Variants in ARHGEF3 observed in about 807,000 individuals in gnomAD.
The protein encoded by ARHGEF3 is 59.8 kDA protein.
ARHGEF3 carries 28 observed loss-of-function variants against 63.2 expected under a neutral mutation model. That is an observed-to-expected ratio of 0.44 (90% CI 0.33 to 0.61). ARHGEF3 has a LOEUF of 0.61. Ranked by LOEUF, ARHGEF3 falls within the 20% of genes least tolerant of loss-of-function variation. The pLI is 0.03. For synonymous variants in ARHGEF3, 266 were observed against 254.2 expected (o/e 1.05, Z -0.44); for missense variants, 533 against 659.3 (o/e 0.81, Z 2.10).
chr3:57,003,330 G>A (rs1702334735), intron 2 of ARHGEF3, among the ~76,000 whole-genome samples: 1 of 147,012 alleles, frequency 6.8e-6, no homozygotes, highest in African/African-American at 2.5e-5. Context: ...TTGAACCCGG[G>A]AGGTGGAGGT....
intron 3 of ARHGEF3, among the ~76,000 whole-genome samples, chr3:56,918,885 G>A (rs756312224): frequency 2.0e-5 from 3 of 152,160 alleles, no homozygotes; most frequent in Non-Finnish European, 4.4e-5. Context: ...CCACACAGAA[G>A]TATACACATT....
intron 2 of ARHGEF3, among the ~76,000 whole-genome samples, chr3:57,029,974 C>T (rs113181913): frequency 1.7e-4 from 26 of 152,236 alleles, no homozygotes; most frequent in African/African-American, 6.0e-4. Context: ...ACCAAAACAG[C>T]CCTGGCCTAA....
At chr3:57,075,222 C>G (rs566331773) in intron 1 of ARHGEF3, 3 of 167,188 alleles carry the variant, frequency 1.8e-5, no homozygotes, top group African/African-American at 7.2e-5. Context: ...ATCTCCTTCC[C>G]CAGCTTCATC....
Position 56,837,373 on chromosome 3 carries a change from C to T in ARHGEF3, c.192+44919G>A, listed in dbSNP as rs551587911. ...CCCTTGTCTTGTGGTCCTGCATTAA[C>T]GCCACAATCCCACCAGCTGAGCTAA... On this transcript the variant is annotated intron_variant, in intron 4 of 12. Transcript: ENST00000338458. Among the ~76,000 whole-genome samples, 13 of 152,284 alleles carry T rather than the reference C, an allele frequency of 8.5e-5. No individual in the cohort carries two copies. In the East Asian group the frequency reaches 1.2e-3, roughly 14 times the overall value.
intron 1 of ARHGEF3, chr3:57,073,834 C>A (rs201557940): frequency 7.4e-6 from 12 of 1,614,106 alleles, no homozygotes; most frequent in African/African-American, 1.3e-5. Flanking sequence ...CCCAACAAAC[C>A]CCACTGTGCA....
chr3:56,771,891 C>G (rs2036024659), intron 2 of ARHGEF3, among the ~76,000 whole-genome samples: 1 of 152,160 alleles, frequency 6.6e-6, no homozygotes, highest in South Asian at 2.1e-4. Context: ...AGTAGACATT[C>G]TGAAGAATTT....
chr3:56,912,367 T>C (rs954054143), intron 3 of ARHGEF3, among the ~76,000 whole-genome samples: 2 of 152,188 alleles, frequency 1.3e-5, no homozygotes, highest in Non-Finnish European at 2.9e-5. Flanking sequence ...GAAAGCAAAG[T>C]GTTACTGCAG....
At chr3:57,032,034 G>C (rs1703754858) in intron 2 of ARHGEF3, among the ~76,000 whole-genome samples, 1 of 152,150 alleles carries the variant, frequency 6.6e-6, no homozygotes, top group South Asian at 2.1e-4. Flanking sequence ...GCAATTTCTT[G>C]ATCTTAGAAT....
rs2038390532 is a variant in ARHGEF3 at position 56,819,501 on chromosome 3, C to G, written c.193-45685G>C. 3.3e-5 allele frequency among the ~76,000 whole-genome samples: 5 copies of G among 151,020 alleles called. No homozygotes were observed. In the South Asian group the frequency reaches 1.0e-3, roughly 32 times the overall value. Reference sequence around the variant, plus strand: ...CTACCACTTAATTAACCATGTTCTACCAGGTGGCAGTTTTTTTTTTTTTTT... The same window carrying G: ...CTACCACTTAATTAACCATGTTCTAGCAGGTGGCAGTTTTTTTTTTTTTTT... On this transcript the variant is annotated intron_variant, in intron 4 of 12. Coordinates refer to the ARHGEF3 transcript ENST00000338458.
chr3:56,854,068 G>A (rs1324007461), intron 4 of ARHGEF3, among the ~76,000 whole-genome samples: 6 of 152,138 alleles, frequency 3.9e-5, no homozygotes, highest in African/African-American at 7.2e-5. Context: ...GGTGGCAGGC[G>A]CCTGCAGTCC....
rs766570919 is a variant in ARHGEF3 at position 56,771,999 on chromosome 3, A to G, written c.204+1710T>C. Among the ~76,000 whole-genome samples the G allele has an allele frequency of 3.9e-4, 59 of 152,340 alleles. 1 individual carries two copies. Among genetic ancestry groups the G allele is most frequent in the Non-Finnish European group, 3.8e-4 (26 of 68,032 alleles). On this transcript the variant is annotated intron_variant, in intron 2 of 9. Coordinates refer to ENST00000296315, the MANE Select transcript of ARHGEF3 (RefSeq NM_019555.3). The stretch of plus-strand genomic sequence containing the variant: ...TGCGATGAACTTGTCGAGAGGGCTG[A>G]AGAACTGGTCACAAGGGAGAAAAGG...
chr3:56,793,067 G>A (rs562460814), intron 1 of ARHGEF3, among the ~76,000 whole-genome samples: 2 of 151,836 alleles, frequency 1.3e-5, no homozygotes, highest in Non-Finnish European at 1.5e-5. Context: ...GCAGTAGTGC[G>A]ATCTCAGCTC....
chr3:57,003,706 G>A (rs2107052453), intron 2 of ARHGEF3, among the ~76,000 whole-genome samples: 1 of 152,284 alleles, frequency 6.6e-6, no homozygotes. Flanking sequence ...TGGTCAAAAG[G>A]GACCCTCTGA....
intron 3 of ARHGEF3, among the ~76,000 whole-genome samples, chr3:56,918,069 G>C (rs138455068): frequency 6.6e-6 from 1 of 152,284 alleles, no homozygotes; most frequent in Non-Finnish European, 1.5e-5. Context: ...CTGGTGGAGG[G>C]GTAAGGGCAG....
At chr3:56,777,762 C>A (rs935889008) in intron 1 of ARHGEF3, among the ~76,000 whole-genome samples, 1 of 152,136 alleles carries the variant, frequency 6.6e-6, no homozygotes, top group Non-Finnish European at 1.5e-5. Flanking sequence ...TGAGACTCTA[C>A]CCCTATTGAG....
At chr3:56,775,666 A>G (rs1578480508) in intron 1 of ARHGEF3, 1 of 985,786 alleles carries the variant, frequency 1.0e-6, no homozygotes, top group Admixed American at 6.1e-5. Context: ...GCTTCAGGTG[A>G]CAATGCCCTT....
intron 3 of ARHGEF3, among the ~76,000 whole-genome samples, chr3:56,941,287 A>G (rs2108422785): frequency 6.6e-6 from 1 of 152,320 alleles, no homozygotes; most frequent in South Asian, 2.1e-4. Context: ...GGCTCACTGC[A>G]ACCTCCGCCT....
chr3:56,845,111 T>C (rs554918193), intron 4 of ARHGEF3, among the ~76,000 whole-genome samples: 5 of 150,708 alleles, frequency 3.3e-5, no homozygotes, highest in African/African-American at 1.2e-4. Flanking sequence ...ACTGAAGCCC[T>C]CAGTCCTTCA....
intron 2 of ARHGEF3, among the ~76,000 whole-genome samples, chr3:57,029,488 G>A (rs1321023578): frequency 2.0e-5 from 3 of 152,068 alleles, no homozygotes; most frequent in Non-Finnish European, 4.4e-5. Flanking sequence ...AGGACTGGGT[G>A]AAGGCTCAAA....
Sources: allele counts gnomAD v4.1 joint callset (sites outside exome capture counted in the v4.1 genomes callset), GRCh38; gene constraint gnomAD v4.1.1; transcripts MANE v1.5; gene names NCBI Gene and HGNC (gene_info 2026-07-23, HGNC 2026-07-21).